NLGN1: variants seen among roughly 807,000 people sequenced by gnomAD.
NLGN1 encodes neuroligin 1.
In NLGN1, 12 loss-of-function variants were observed where a neutral mutation model predicts 65.5. The observed-to-expected ratio is 0.18, with a 90% CI of 0.12 to 0.30. The LOEUF (loss-of-function observed/expected upper bound fraction) is 0.30. NLGN1 is among the 10% of genes least tolerant of loss of function. NLGN1 has a pLI of 1.00. For synonymous variants in NLGN1, 350 were observed against 359.5 expected, an observed-to-expected ratio of 0.97 and a Z score of 0.30; for missense variants, 750 against 1,007.1, an observed-to-expected ratio of 0.74 and a Z score of 3.46.
chr3:173,682,700 A>C (rs1160843807), intron 3 of NLGN1, among the ~76,000 whole-genome samples: 3 of 151,934 alleles, frequency 2.0e-5, no homozygotes, highest in Non-Finnish European at 1.5e-5. Flanking sequence ...GAATTTTGTG[A>C]ATTTTTGCAA....
intron 3 of NLGN1, among the ~76,000 whole-genome samples, chr3:173,739,690 G>A (rs913348319): frequency 2.6e-5 from 4 of 151,998 alleles, no homozygotes; most frequent in African/African-American, 9.7e-5. Flanking sequence ...TTGGAAAATG[G>A]CAAAATATAA....
At chr3:173,960,804 A>C (rs1309850901) in intron 4 of NLGN1, among the ~76,000 whole-genome samples, 1 of 151,770 alleles carries the variant, frequency 6.6e-6, no homozygotes, top group Non-Finnish European at 1.5e-5. Flanking sequence ...GTCCATCTAC[A>C]CTGGAAGTTC....
chr3:174,279,298 A>G lies in NLGN1; in HGVS notation c.1297A>G (p.Arg433Gly). 1.9e-6 allele frequency: 3 copies of G among 1,613,394 alleles called. No homozygotes were observed. The highest frequency in any genetic ancestry group is 2.5e-6 in the Non-Finnish European group (3 of 1,179,556). The change falls in exon 6 of 7, where the codon AGA (arginine) becomes GGA (glycine). Residue 433 changes from arginine to glycine, a missense_variant. Coordinates refer to ENST00000457714, the Ensembl canonical transcript of NLGN1. This position sits in a 1 kb window ranked among gnomAD's most constrained non-coding sequence, Gnocchi z 4.7. ...ATATCCTGAAGGCAAAGATGTTTTG[A>G]GAGAAACCATTAAGTTCATGTATAC...
intron 2 of NLGN1, among the ~76,000 whole-genome samples, chr3:173,523,277 A>G (rs147006744): frequency 2.0e-5 from 3 of 151,454 alleles, no homozygotes; most frequent in Admixed American, 6.6e-5. Context: ...TCATTTGTCT[A>G]TTTTTGTTTT....
intron 1 of NLGN1, among the ~76,000 whole-genome samples, chr3:173,407,598 G>A (rs894120800): frequency 1.3e-5 from 2 of 152,200 alleles, no homozygotes; most frequent in Non-Finnish European, 2.9e-5. Flanking sequence ...AGCAAAGTTA[G>A]TGGAGGAGGT....
At chr3:173,698,900 A>G (rs949686181) in intron 3 of NLGN1, among the ~76,000 whole-genome samples, 1 of 152,108 alleles carries the variant, frequency 6.6e-6, no homozygotes, top group African/African-American at 2.4e-5. Context: ...CTTGTTGCCG[A>G]GGCTGGAGTA....
intron 3 of NLGN1, among the ~76,000 whole-genome samples, chr3:173,798,752 C>T (rs928311235): frequency 4.6e-5 from 7 of 151,978 alleles, no homozygotes; most frequent in African/African-American, 1.7e-4. Flanking sequence ...GAAACCGTGA[C>T]CTTTCAATTG....
chr3:173,492,842 G>T (rs954036267), intron 2 of NLGN1, among the ~76,000 whole-genome samples: 1 of 151,756 alleles, frequency 6.6e-6, no homozygotes, highest in Non-Finnish European at 1.5e-5. Context: ...AATAAATCAT[G>T]CTAGAGAAAC....
intron 3 of NLGN1, among the ~76,000 whole-genome samples, chr3:173,610,607 A>G (rs1014707834): frequency 9.9e-5 from 15 of 152,032 alleles, no homozygotes; most frequent in African/African-American, 3.6e-4. Context: ...GAAGAAGAGA[A>G]GGACAGCAAT....
intron 2 of NLGN1, among the ~76,000 whole-genome samples, chr3:173,477,975 G>A (rs751133186): frequency 5.3e-5 from 8 of 152,220 alleles, no homozygotes; most frequent in Admixed American, 1.3e-4. Context: ...TTAGTTCAAC[G>A]TTTGTGGAAG....
At chr3:174,067,239 C>G (rs1287223105) in intron 4 of NLGN1, among the ~76,000 whole-genome samples, 3 of 152,066 alleles carry the variant, frequency 2.0e-5, no homozygotes, top group South Asian at 4.1e-4. Flanking sequence ...ATCTACCTCT[C>G]TACCTCCAAA....
rs192436977 is a variant in NLGN1, at chr3:173,815,343, G to A, written c.646+7511G>A. Among the ~76,000 whole-genome samples, 120 of 152,114 alleles carry A rather than the reference G, an allele frequency of 7.9e-4. 1 individual carries two copies. Among genetic ancestry groups the A allele is most frequent in the Non-Finnish European group, 1.4e-3 (98 of 67,988 alleles). ...AGGATGGTCTCAATCTCCTGACCTC[G>A]TGATCTGCAGGCCTCAGCCTCCCAA... On this transcript the variant is annotated intron_variant, in intron 4 of 6. Coordinates refer to ENST00000457714, the Ensembl canonical transcript of NLGN1.
chr3:173,830,014 G>GT (rs1560454316), intron 4 of NLGN1, among the ~76,000 whole-genome samples: 1 of 144,578 alleles, frequency 6.9e-6, no homozygotes, highest in Non-Finnish European at 1.5e-5. Context: ...GTGTGGGGGG[G>GT]GGAGGGAGAG....
At chr3:173,491,482 C>G (rs1190403410) in intron 2 of NLGN1, among the ~76,000 whole-genome samples, 1 of 151,724 alleles carries the variant, frequency 6.6e-6, no homozygotes, top group Non-Finnish European at 1.5e-5. Flanking sequence ...TGATGTGCTG[C>G]TGGATTCGGT....
chr3:173,880,522 T>G (rs2150922400), intron 4 of NLGN1, among the ~76,000 whole-genome samples: 1 of 151,650 alleles, frequency 6.6e-6, no homozygotes, highest in South Asian at 2.1e-4. Flanking sequence ...TTTTAAAAGC[T>G]ACGTTTACCC....
chr3:173,468,293 C>T (rs1443251947), intron 2 of NLGN1, among the ~76,000 whole-genome samples: 44 of 152,072 alleles, frequency 2.9e-4, no homozygotes, highest in Admixed American at 2.9e-3. Flanking sequence ...CATATATTCT[C>T]TCAGTGAATC....
intron 4 of NLGN1, among the ~76,000 whole-genome samples, chr3:174,046,553 A>G (rs1429517215): frequency 1.3e-5 from 2 of 152,104 alleles, no homozygotes; most frequent in Non-Finnish European, 2.9e-5. Flanking sequence ...CTGTGTTTGA[A>G]CACACATTGC....
upstream of NLGN1, among the ~76,000 whole-genome samples, chr3:173,396,018 T>C (rs1163784819): frequency 2.0e-5 from 3 of 152,060 alleles, no homozygotes; most frequent in East Asian, 1.9e-4. Flanking sequence ...GCAGTGTGTG[T>C]GCGCGCGTGT....
At chr3:173,724,208 T>C (rs753210374) in intron 3 of NLGN1, among the ~76,000 whole-genome samples, 1 of 152,216 alleles carries the variant, frequency 6.6e-6, no homozygotes, top group African/African-American at 2.4e-5. Flanking sequence ...TCCTTCCCTG[T>C]ATAGATGCTG....
Sources: gnomAD v4.1 joint callset for allele counts (sites outside exome capture counted in the v4.1 genomes callset) on GRCh38, gnomAD v4.1.1 for gene constraint, Gnocchi (gnomAD v3.1) non-coding constraint, MANE v1.5 for transcripts, NCBI Gene and HGNC (gene_info 2026-07-23, HGNC 2026-07-21) for gene names.